Variants in MYO1E observed in about 807,000 individuals in gnomAD.
MYO1E encodes the protein myosin IE, also known as unconventional myosin-Ie.
Under a neutral mutation model 151.1 loss-of-function variants are expected in MYO1E, and 68 were observed. The ratio of observed to expected loss-of-function variants is 0.45; its 90% CI spans 0.37 to 0.55. The LOEUF (loss-of-function observed/expected upper bound fraction) is 0.55. MYO1E is among the 20% of genes least tolerant of loss of function. The probability of loss-of-function intolerance (pLI) is 0.00; values close to 1 mark genes in which losing one functional copy is unlikely to be tolerated. For synonymous variants in MYO1E, 601 were observed against 501.7 expected (o/e 1.20, Z -2.64); for missense variants, 1,363 against 1,389.3 (o/e 0.98, Z 0.30).
intron 1 of MYO1E, among the ~76,000 whole-genome samples, chr15:59,361,216 C>T (rs1181119621): frequency 6.6e-6 from 1 of 152,154 alleles, no homozygotes; most frequent in African/African-American, 2.4e-5. Flanking sequence ...TAGCTGACCA[C>T]AGTGATTGAA....
At chr15:59,246,741 C>T (rs78638290) in intron 4 of MYO1E, among the ~76,000 whole-genome samples, 63 of 152,038 alleles carry the variant, frequency 4.1e-4, no homozygotes, top group Admixed American at 7.9e-4. Flanking sequence ...AGCTCTGGCC[C>T]CCAGACAAAT....
chr15:59,210,782 T>G (rs1425503559), intron 12 of MYO1E, among the ~76,000 whole-genome samples, 182 bp from the exon 13 acceptor site: 1 of 152,220 alleles, frequency 6.6e-6, no homozygotes, highest in African/African-American at 2.4e-5. Flanking sequence ...TATGACTTGG[T>G]GATTTTTATG....
intron 9 of MYO1E, among the ~76,000 whole-genome samples, chr15:59,220,319 C>T (rs143067604): frequency 1.3e-3 from 196 of 152,220 alleles, no homozygotes; most frequent in Middle Eastern, 3.4e-3. Flanking sequence ...CGTGGTGGTG[C>T]GCACCTGTAA....
At chr15:59,253,158 A>G (rs73424937) in intron 4 of MYO1E, among the ~76,000 whole-genome samples, 1 of 152,232 alleles carries the variant, frequency 6.6e-6, no homozygotes, top group Non-Finnish European at 1.5e-5. Flanking sequence ...AAAATAAAAC[A>G]CATCACCTTG....
intron 16 of MYO1E, among the ~76,000 whole-genome samples, chr15:59,200,869 G>C (rs987852251): frequency 1.3e-5 from 2 of 152,116 alleles, no homozygotes; most frequent in African/African-American, 4.8e-5. Flanking sequence ...AGGGCACTGA[G>C]AGCGTAAGTA....
intron 1 of MYO1E, among the ~76,000 whole-genome samples, chr15:59,340,983 C>T: frequency 7.4e-6 from 1 of 135,736 alleles, no homozygotes; most frequent in Admixed American, 8.4e-5. Flanking sequence ...CCCGCCACAG[C>T]ACTCCAGCCT....
intron 1 of MYO1E, among the ~76,000 whole-genome samples, chr15:59,295,339 T>G (rs1170261267): frequency 6.6e-6 from 1 of 151,926 alleles, no homozygotes. Context: ...GCACTGAGCT[T>G]TTCACCACGT....
At position 59,372,511 on chromosome 15, in the gene MYO1E, G is replaced by A. The variant is rs201133452; in HGVS notation, c.-11C>T. 4.0e-4 allele frequency: 612 copies of A among 1,536,196 alleles called. 3 individuals carry two copies. The highest frequency in any genetic ancestry group is 2.6e-5 in the Non-Finnish European group (30 of 1,141,670). On this transcript the variant is annotated 5_prime_UTR_variant, in exon 1 of 28. Coordinates refer to ENST00000288235, the MANE Select transcript of MYO1E (RefSeq NM_004998.4). ...CGGCCAACTCACCATGGTGACTCGC[G>A]CCGCGGTCGCGTCTTCGCCGGGTCC...
chr15:59,184,650 T>C (rs1404619241), intron 18 of MYO1E, among the ~76,000 whole-genome samples: 1 of 152,202 alleles, frequency 6.6e-6, no homozygotes, highest in East Asian at 1.9e-4. Context: ...TGTGAGCCAC[T>C]GCACCCAGCC....
At chr15:59,320,244 G>A (rs1355197722) in intron 1 of MYO1E, among the ~76,000 whole-genome samples, 13 of 151,994 alleles carry the variant, frequency 8.6e-5, no homozygotes, top group Non-Finnish European at 5.9e-5. Context: ...TGGCCATACT[G>A]CCCAAAGCAA....
chr15:59,326,979 C>G (rs1468585463), intron 1 of MYO1E, among the ~76,000 whole-genome samples: 1 of 152,190 alleles, frequency 6.6e-6, no homozygotes, highest in Non-Finnish European at 1.5e-5. Flanking sequence ...GAATGTAGGA[C>G]AATCCTGAGC....
At chr15:59,196,986 CTTTTTTT>C (rs71977305) in intron 16 of MYO1E, among the ~76,000 whole-genome samples, 2,360 of 71,570 alleles carry the variant, frequency 0.033, 78 homozygotes, top group African/African-American at 0.11. Flanking sequence ...TTAATTACGA[CTTTTTTT>C]TTTTTTTTTT....
intron 15 of MYO1E, among the ~76,000 whole-genome samples, 169 bp downstream of exon 15, chr15:59,205,231 C>G (rs2079825617): frequency 6.6e-6 from 1 of 152,086 alleles, no homozygotes; most frequent in Admixed American, 6.5e-5. Flanking sequence ...GGAGTGATCA[C>G]AGCTCAGTGC....
At chr15:59,151,010 GACACACACACACACACACACACAC>G (rs60541381) in intron 26 of MYO1E, among the ~76,000 whole-genome samples, 1,794 of 141,182 alleles carry the variant, frequency 0.013, 41 homozygotes, top group East Asian at 0.047. Flanking sequence ...AGAGGAGAGG[GACACACACACACACACACACACAC>G]ACACACACAC....
At chr15:59,253,947 G>A (rs1487259039) in intron 4 of MYO1E, among the ~76,000 whole-genome samples, 2 of 147,080 alleles carry the variant, frequency 1.4e-5, no homozygotes, top group Non-Finnish European at 3.0e-5. Flanking sequence ...AAAGGGGAAG[G>A]GAAAATTGTT....
chr15:59,135,106 T>A lies in MYO1E; in HGVS notation c.*2274A>T, dbSNP rs965089308. The A allele has an allele frequency of 6.6e-6, 1 of 152,176 alleles. No homozygotes were observed. The highest frequency in any genetic ancestry group is 1.5e-5 in the Non-Finnish European group (1 of 68,042). The allele number at this position is 152,176 out of a possible 1,614,324, so 9.4% of individuals were successfully genotyped here. On this transcript the variant is annotated 3_prime_UTR_variant, in exon 28 of 28. Transcript: ENST00000288235. ...GATCTAAGTCTCCTTCCCCTGTGGG[T>A]CACTTACCTATTTCAGCACCATTTG...
intron 16 of MYO1E, among the ~76,000 whole-genome samples, chr15:59,201,498 G>A (rs1334095123): frequency 1.3e-5 from 2 of 151,202 alleles, no homozygotes; most frequent in Admixed American, 6.6e-5. Flanking sequence ...TCTGCCTCCA[G>A]GGTTCAAGTG....
At chr15:59,239,900 T>A (rs2080089720) in intron 4 of MYO1E, among the ~76,000 whole-genome samples, 1 of 152,248 alleles carries the variant, frequency 6.6e-6, no homozygotes, top group Admixed American at 6.5e-5. Flanking sequence ...ATAATTATGC[T>A]GGCCTGTTTG....
intron 1 of MYO1E, among the ~76,000 whole-genome samples, chr15:59,334,302 A>G (rs2080715387): frequency 1.3e-5 from 2 of 152,180 alleles, no homozygotes; most frequent in Non-Finnish European, 2.9e-5. Flanking sequence ...TAAATAAGTA[A>G]AAATAACTAA....
Sources: allele counts gnomAD v4.1 joint callset (sites outside exome capture counted in the v4.1 genomes callset), GRCh38; gene constraint gnomAD v4.1.1; transcripts MANE v1.5; gene names NCBI Gene and HGNC (gene_info 2026-07-23, HGNC 2026-07-21).